The following NTRK2 variants were observed in gnomAD, a reference collection of about 807,000 sequenced individuals.
NTRK2 encodes the protein neurotrophic receptor tyrosine kinase 2.
NTRK2 carries 13 observed loss-of-function variants against 94.5 expected under a neutral mutation model. The observed-to-expected ratio is 0.14, with a 90% confidence interval of 0.09 to 0.22. NTRK2 has a LOEUF of 0.22. Ranked by LOEUF, NTRK2 falls within the 10% of genes least tolerant of loss-of-function variation. The pLI is 1.00. For synonymous variants in NTRK2, 372 were observed against 407.4 expected (o/e 0.91, Z 1.05); for missense variants, 639 against 1,071.2 (o/e 0.60, Z 5.63).
chr9:84,773,908 A>C lies in NTRK2; in HGVS notation c.1396+21823A>C, dbSNP rs193160033. Among the ~76,000 whole-genome samples, 3 of 152,228 alleles carry C rather than the reference A, an allele frequency of 2.0e-5. No individual in the cohort carries two copies. The East Asian group carries it at 5.8e-4, about 29-fold the overall frequency. ...CTCAACATGTCTCTGTGAGATATGC[A>C]TCATCATCTTCGTTTTGTAACTGAG... On this transcript the variant is annotated intron_variant, in intron 12 of 18. Coordinates refer to ENST00000277120, the MANE Select transcript of NTRK2 (RefSeq NM_006180.6).
chr9:84,682,592 C>T (rs1202059753), intron 2 of NTRK2, among the ~76,000 whole-genome samples: 1 of 152,108 alleles, frequency 6.6e-6, no homozygotes, highest in Non-Finnish European at 1.5e-5. Flanking sequence ...TGCCCAAATT[C>T]GACCTCGAGA....
chr9:84,835,988 A>T (rs995977923), intron 12 of NTRK2, among the ~76,000 whole-genome samples: 2 of 152,160 alleles, frequency 1.3e-5, no homozygotes, highest in South Asian at 4.1e-4. Flanking sequence ...TGGCTCGTGT[A>T]TTGTGCCAAG....
At chr9:84,675,319 CTTT>C (rs1302809029) in intron 2 of NTRK2, among the ~76,000 whole-genome samples, 32 of 54,608 alleles carry the variant, frequency 5.9e-4, no homozygotes, top group Non-Finnish European at 8.6e-4. Flanking sequence ...TTCTTTCTTT[CTTT>C]CCTTTTTTTT....
In NTRK2 at chr9:84,875,341, G is replaced by A. The variant is rs201550402; in HGVS notation, c.1633+7910G>A. 2.5e-5 allele frequency: 27 copies of A among 1,059,960 alleles called. No homozygotes were observed. The South Asian group carries it at 9.6e-4, about 38-fold the overall frequency. 65.7% of individuals were successfully genotyped at this position (1,059,960 alleles called of 1,614,324 possible). A position where few individuals can be genotyped will look rare whatever the true frequency, so the allele number is the denominator to read the frequency against. On this transcript the variant is annotated intron_variant, in intron 14 of 18. Transcript: ENST00000277120. ...CGGGGGTCTGGCCATAGCTGGCCAC[G>A]TCAGACTCTCATATGGTAAGTATCA...
chr9:84,931,716 C>CAAAAAAAAAAA (rs11395381), intron 14 of NTRK2, among the ~76,000 whole-genome samples: 36 of 100,296 alleles, frequency 3.6e-4, no homozygotes, highest in Admixed American at 6.3e-4. Context: ...TAATAAAATG[C>CAAAAAAAAAAA]AAAAAAAAAA....
At chr9:84,861,197 T>G in intron 13 of NTRK2, 110 bp downstream of exon 13, 1 of 875,222 alleles carries the variant, frequency 1.1e-6, no homozygotes, top group Non-Finnish European at 1.8e-6. Flanking sequence ...TCATTTTCTG[T>G]GTTCCTGGTT....
intron 17 of NTRK2, among the ~76,000 whole-genome samples, chr9:84,991,459 G>A (rs1015162032): frequency 6.6e-6 from 1 of 152,154 alleles, no homozygotes; most frequent in Non-Finnish European, 1.5e-5. Context: ...CTGTCCAGTG[G>A]CACATTAGCA....
intron 17 of NTRK2, among the ~76,000 whole-genome samples, chr9:84,956,222 C>T (rs761033716): frequency 3.3e-5 from 5 of 152,156 alleles, no homozygotes; most frequent in Admixed American, 1.3e-4. Flanking sequence ...TGGTTGAAAG[C>T]GGTTTAGCTT....
chr9:84,723,810 C>T (rs907382315), intron 7 of NTRK2, 101 bp downstream of exon 7: 1 of 1,484,804 alleles, frequency 6.7e-7, no homozygotes, highest in African/African-American at 1.4e-5. Context: ...TTTTATAAGG[C>T]TACATATAGA....
intron 18 of NTRK2, among the ~76,000 whole-genome samples, chr9:85,020,667 A>G (rs767624352): frequency 6.6e-6 from 1 of 152,202 alleles, no homozygotes; most frequent in Non-Finnish European, 1.5e-5. Context: ...CAGAATCCAT[A>G]CAGTCCAGCA....
At position 85,023,382 on chromosome 9, in the gene NTRK2, T is replaced by C. The variant is rs189894834; in HGVS notation, c.*1945T>C. 2.2e-5 allele frequency: 5 copies of C among 232,548 alleles called. No individual in the cohort carries two copies. The Admixed American group carries it at 2.2e-4, about 10-fold the overall frequency. The allele number at this position is 232,548 out of a possible 1,614,324, so 14.4% of individuals were successfully genotyped here. A position where few individuals can be genotyped will look rare whatever the true frequency, so the allele number is the denominator to read the frequency against. On this transcript the variant is annotated 3_prime_UTR_variant, in exon 19 of 19. Coordinates refer to ENST00000277120, the MANE Select transcript of NTRK2 (RefSeq NM_006180.6). ...CTGTTTTAGGTTTTGCTTGCGCCTG[T>C]TAATTACTGGAACACCTTATTTTTC... is the stretch of plus-strand genomic sequence containing the variant.
intron 17 of NTRK2, among the ~76,000 whole-genome samples, chr9:84,965,845 C>T (rs1825493349): frequency 2.0e-5 from 3 of 152,194 alleles, no homozygotes; most frequent in Admixed American, 6.5e-5. Context: ...TTCAACTCTC[C>T]ATATCAATCT....
At chr9:84,672,359 G>GGAGAGCAGGAGCC (rs2058754635) in intron 2 of NTRK2, among the ~76,000 whole-genome samples, 2 of 152,202 alleles carry the variant, frequency 1.3e-5, no homozygotes. Flanking sequence ...TTTTTGGCAA[G>GGAGAGCAGGAGCC]GAGAGCAGGA....
At chr9:84,926,178 CTTT>C (rs1424962412) in intron 14 of NTRK2, among the ~76,000 whole-genome samples, 15 of 71,752 alleles carry the variant, frequency 2.1e-4, no homozygotes, top group Non-Finnish European at 2.2e-4. Context: ...TCCTTTCTTT[CTTT>C]CTTTCTTTCT....
chr9:84,874,604 T>C, intron 14 of NTRK2: 1 of 1,062,480 alleles, frequency 9.4e-7, no homozygotes, highest in Non-Finnish European at 1.1e-6. Context: ...AAACACTTTC[T>C]CTAACCCACG....
At chr9:84,963,704 C>A (rs2133069628) in intron 17 of NTRK2, among the ~76,000 whole-genome samples, 1 of 152,284 alleles carries the variant, frequency 6.6e-6, no homozygotes, top group South Asian at 2.1e-4. Flanking sequence ...TCCCACCAAC[C>A]CCCTATGGAC....
At chr9:84,870,512 T>G (rs1467720956) in intron 14 of NTRK2, among the ~76,000 whole-genome samples, 1 of 151,062 alleles carries the variant, frequency 6.6e-6, no homozygotes, top group Non-Finnish European at 1.5e-5. Flanking sequence ...AATTTTTTTT[T>G]ATTTTTCGTT....
At chr9:85,014,566 C>T (rs897817733) in intron 17 of NTRK2, among the ~76,000 whole-genome samples, 7 of 152,284 alleles carry the variant, frequency 4.6e-5, no homozygotes, top group Admixed American at 3.9e-4. Context: ...GTTCGTTAGC[C>T]ACAAACAACT....
At chr9:84,718,999 G>C (rs2061887424) in intron 6 of NTRK2, among the ~76,000 whole-genome samples, 1 of 151,960 alleles carries the variant, frequency 6.6e-6, no homozygotes, top group South Asian at 2.1e-4. Flanking sequence ...GCGATGACAG[G>C]GTGATACAAT....
Sources: gnomAD v4.1 joint callset for allele counts (sites outside exome capture counted in the v4.1 genomes callset) on GRCh38, gnomAD v4.1.1 for gene constraint, MANE v1.5 for transcripts, NCBI Gene and HGNC (gene_info 2026-07-23, HGNC 2026-07-21) for gene names.